The following PTPRN2 variants were observed in gnomAD, a reference collection of about 807,000 sequenced individuals.
PTPRN2 encodes the protein protein tyrosine phosphatase receptor type N2.
Under a neutral mutation model 118.8 loss-of-function variants are expected in PTPRN2, and 74 were observed. The ratio of observed to expected loss-of-function variants is 0.62; its 90% CI spans 0.52 to 0.76. The LOEUF (loss-of-function observed/expected upper bound fraction) is 0.76. PTPRN2 is among the 30% of genes least tolerant of loss of function. The probability of loss-of-function intolerance (pLI) is 0.00; values close to 1 mark genes in which losing one functional copy is unlikely to be tolerated. For missense variants in PTPRN2, 1,481 were observed against 1,394.4 expected (o/e 1.06, Z -0.99); for synonymous variants, 641 against 608.0 (o/e 1.05, Z -0.80).
At chr7:158,221,421 ATAGACAACCTATAGGG>A (rs926890795) in intron 3 of PTPRN2, among the ~76,000 whole-genome samples, 1 of 152,208 alleles carries the variant, frequency 6.6e-6, no homozygotes, top group Non-Finnish European at 1.5e-5. Flanking sequence ...TAACAGGTAA[ATAGACAACCTATAGGG>A]TAGGAAAAAA....
chr7:158,150,142 A>G (rs544756891), intron 6 of PTPRN2, among the ~76,000 whole-genome samples: 10 of 152,276 alleles, frequency 6.6e-5, no homozygotes, highest in Admixed American at 5.2e-4. Flanking sequence ...GCCGGCAACA[A>G]TGCTGTTCCC....
chr7:157,820,610 C>CACAT (rs1304597836), intron 12 of PTPRN2, among the ~76,000 whole-genome samples: 1 of 150,664 alleles, frequency 6.6e-6, no homozygotes, highest in Non-Finnish European at 1.5e-5. Flanking sequence ...CGCATTCTTA[C>CACAT]ACATGCACAC....
chr7:157,982,466 T>C (rs1285731124), intron 11 of PTPRN2, among the ~76,000 whole-genome samples: 150 of 48,110 alleles, frequency 3.1e-3, no homozygotes, highest in Middle Eastern at 0.029. Context: ...CCCCAAACCC[T>C]GAGTCATAGA....
At chr7:158,025,180 C>T (rs762732642) in intron 11 of PTPRN2, among the ~76,000 whole-genome samples, 2 of 152,152 alleles carry the variant, frequency 1.3e-5, no homozygotes, top group Non-Finnish European at 2.9e-5. Flanking sequence ...AAGAGAAAGG[C>T]ATCATTTCAG....
In PTPRN2 at chr7:157,725,258, G is replaced by A. The variant is rs1164356703; in HGVS notation, c.1789-42321C>T. Among the ~76,000 whole-genome samples, 4 of 136,222 alleles carry A rather than the reference G, an allele frequency of 2.9e-5. No individual in the cohort carries two copies. In the Admixed American group the frequency reaches 3.1e-4, roughly 10 times the overall value. The allele number at this position is 136,222 out of a possible 152,430, so 89.4% of individuals were successfully genotyped here. A position where few individuals can be genotyped will look rare whatever the true frequency, so the allele number is the denominator to read the frequency against. On this transcript the variant is annotated intron_variant, in intron 12 of 22. Coordinates refer to ENST00000389418, the MANE Select transcript of PTPRN2 (RefSeq NM_002847.5). ...GAACTGGATATCCACATGCAGAGGA[G>A]TGAGCCAGACCCTGGCCTCCCAGGA...
At chr7:157,696,252 A>G (rs1223312043) in intron 12 of PTPRN2, among the ~76,000 whole-genome samples, 6 of 125,012 alleles carry the variant, frequency 4.8e-5, no homozygotes, top group South Asian at 3.1e-4. Flanking sequence ...ACTGGATCTT[A>G]GTAGAGCCCT....
intron 1 of PTPRN2, among the ~76,000 whole-genome samples, chr7:158,497,978 AG>A (rs1248678772): frequency 6.6e-6 from 1 of 152,266 alleles, no homozygotes; most frequent in Non-Finnish European, 1.5e-5. Context: ...CTTACTGCAA[AG>A]GTGGATCCTT....
chr7:158,328,372 A>G (rs1803825272), intron 2 of PTPRN2, among the ~76,000 whole-genome samples: 1 of 152,232 alleles, frequency 6.6e-6, no homozygotes, highest in Non-Finnish European at 1.5e-5. Flanking sequence ...ATGAAACCTG[A>G]AGATAAGCCG....
intron 12 of PTPRN2, among the ~76,000 whole-genome samples, chr7:157,888,238 T>A (rs1796599107): frequency 1.3e-5 from 2 of 152,058 alleles, no homozygotes; most frequent in African/African-American, 4.8e-5. Context: ...CAGGCTTCTA[T>A]CCTTGGTGTG....
intron 2 of PTPRN2, among the ~76,000 whole-genome samples, chr7:158,473,760 G>A (rs1038578422): frequency 9.9e-5 from 15 of 151,948 alleles, no homozygotes; most frequent in African/African-American, 3.6e-4. Context: ...AGTCAACCAT[G>A]ATAGATTGGG....
At chr7:157,891,992 G>A (rs1051424468) in intron 12 of PTPRN2, among the ~76,000 whole-genome samples, 9 of 152,216 alleles carry the variant, frequency 5.9e-5, no homozygotes, top group African/African-American at 2.2e-4. Flanking sequence ...GCCTGCAGGG[G>A]CTCTGCTGAG....
intron 12 of PTPRN2, among the ~76,000 whole-genome samples, chr7:157,755,945 G>A (rs900777938): frequency 1.3e-5 from 2 of 152,208 alleles, no homozygotes; most frequent in African/African-American, 4.8e-5. Context: ...CCACGGCAGC[G>A]TCCAGCACCC....
Position 158,192,504 on chromosome 7 carries a change from G to C in PTPRN2, c.381-9C>G. ...CGCTGTGTTTTGAGGGCCTGAAAAA[G>C]CAAAAGAAACCAGACATCAACCGCA... is the stretch of plus-strand genomic sequence containing the variant. On this transcript the variant is annotated splice_polypyrimidine_tract_variant and intron_variant, in intron 4 of 22. Transcript: ENST00000389418. The C allele has an allele frequency of 6.4e-7, 1 of 1,573,740 alleles. No individual in the cohort carries two copies. The highest frequency in any genetic ancestry group is 1.7e-4 in the Middle Eastern group (1 of 5,948).
intron 1 of PTPRN2, among the ~76,000 whole-genome samples, chr7:158,540,891 G>T (rs1036205212): frequency 6.6e-6 from 1 of 152,212 alleles, no homozygotes; most frequent in Admixed American, 6.5e-5. Context: ...TGGTAACAAC[G>T]TGTGCCACGT....
At chr7:158,452,143 G>A (rs1190614883) in intron 2 of PTPRN2, among the ~76,000 whole-genome samples, 2 of 152,074 alleles carry the variant, frequency 1.3e-5, no homozygotes, top group East Asian at 3.9e-4. Context: ...TCCCCACTCT[G>A]GCTTAAGTGT....
At chr7:158,057,420 C>T (rs1266756256) in intron 11 of PTPRN2, among the ~76,000 whole-genome samples, 1 of 152,224 alleles carries the variant, frequency 6.6e-6, no homozygotes, top group African/African-American at 2.4e-5. Context: ...GTCTCTTTTT[C>T]AGGACAAGCA....
intron 2 of PTPRN2, among the ~76,000 whole-genome samples, chr7:158,331,599 A>C (rs56165966): frequency 0.94 from 84,048 of 89,798 alleles, 39,328 homozygotes; most frequent in African/African-American, 0.97. Context: ...AGAGCTGAGG[A>C]CCACAGAGGT....
At chr7:158,373,644 T>C (rs1250116048) in intron 2 of PTPRN2, among the ~76,000 whole-genome samples, 1 of 152,234 alleles carries the variant, frequency 6.6e-6, no homozygotes, top group African/African-American at 2.4e-5. Flanking sequence ...TCTGTGCAAT[T>C]AATGTGATTC....
At chr7:157,653,605 C>T (rs943889158) in intron 14 of PTPRN2, among the ~76,000 whole-genome samples, 4 of 152,090 alleles carry the variant, frequency 2.6e-5, no homozygotes, top group African/African-American at 9.7e-5. Context: ...TCACCTGTGG[C>T]GTGAGTCTGT....
Sources: allele counts gnomAD v4.1 joint callset (sites outside exome capture counted in the v4.1 genomes callset), GRCh38; gene constraint gnomAD v4.1.1; transcripts MANE v1.5; gene names NCBI Gene and HGNC (gene_info 2026-07-23, HGNC 2026-07-21).